SORCS3: variants seen among roughly 807,000 people sequenced by gnomAD.
SORCS3 encodes sortilin related VPS10 domain containing receptor 3, also known as VPS10 domain-containing receptor SorCS3.
A neutral mutation model predicts 146.3 loss-of-function variants in SORCS3; 57 were observed. The ratio of observed to expected loss-of-function variants is 0.39; its 90% CI spans 0.31 to 0.49. The LOEUF is 0.49. SORCS3 is among the 20% of genes least tolerant of loss of function. SORCS3 has a pLI of 0.92. For synonymous variants in SORCS3, 653 were observed against 618.5 expected, an observed-to-expected ratio of 1.06 and a Z score of -0.83; for missense variants, 1,341 against 1,575.5, an observed-to-expected ratio of 0.85 and a Z score of 2.52.
chr10:104,822,998 G>T (rs2017892394), intron 1 of SORCS3, among the ~76,000 whole-genome samples: 1 of 152,156 alleles, frequency 6.6e-6, no homozygotes, highest in Non-Finnish European at 1.5e-5. Context: ...CATGCATTCT[G>T]GGCAAGGTGA....
At chr10:105,238,435 T>A (rs2056805568) in intron 20 of SORCS3, among the ~76,000 whole-genome samples, 1 of 151,764 alleles carries the variant, frequency 6.6e-6, no homozygotes, top group Admixed American at 6.6e-5. Context: ...AGTGAGTGAG[T>A]CATATACAAA....
At chr10:105,031,332 AACACACACACACACACAC>A (rs371026666) in intron 4 of SORCS3, among the ~76,000 whole-genome samples, 1 of 113,466 alleles carries the variant, frequency 8.8e-6, no homozygotes. Flanking sequence ...CACACACACA[AACACACACACACACACAC>A]ACACACACAC....
At chr10:104,687,885 G>A (rs2016066841) in intron 1 of SORCS3, among the ~76,000 whole-genome samples, 1 of 152,162 alleles carries the variant, frequency 6.6e-6, no homozygotes, top group African/African-American at 2.4e-5. Context: ...GTTTTCATGA[G>A]GATTTGCTGA....
intron 1 of SORCS3, among the ~76,000 whole-genome samples, chr10:104,821,197 T>A (rs1436154399): frequency 6.6e-6 from 1 of 152,172 alleles, no homozygotes; most frequent in Non-Finnish European, 1.5e-5. Context: ...TCACAACATT[T>A]TGAAGGGAGG....
At position 104,962,506 on chromosome 10, in the gene SORCS3, C is replaced by G. The variant is rs1029553590; in HGVS notation, c.796-14829C>G. On this transcript the variant is annotated intron_variant, in intron 3 of 26. Transcript: ENST00000369701. The stretch of plus-strand genomic sequence containing the variant: ...CAGATTCTTACTCCATAGGGGAGGT[C>G]AGTAACACCACTCCCTGAATTGGGA... Among the ~76,000 whole-genome samples the G allele has an allele frequency of 1.2e-4, 19 of 152,214 alleles. No individual in the cohort carries two copies. The South Asian group carries it at 1.9e-3, about 15-fold the overall frequency.
chr10:105,055,655 G>C (rs1410929074), intron 5 of SORCS3, among the ~76,000 whole-genome samples: 1 of 152,082 alleles, frequency 6.6e-6, no homozygotes, highest in Non-Finnish European at 1.5e-5. Context: ...TTGTTAATTT[G>C]GTAGCAAATG....
chr10:104,760,081 G>C (rs61228995), intron 1 of SORCS3, among the ~76,000 whole-genome samples: 1,664 of 152,316 alleles, frequency 0.011, 31 homozygotes, highest in African/African-American at 0.038. Context: ...AATCCCAGGT[G>C]GGGGAAGAGC....
chr10:104,696,801 A>G (rs955695971), intron 1 of SORCS3, among the ~76,000 whole-genome samples: 1 of 138,146 alleles, frequency 7.2e-6, no homozygotes, highest in Non-Finnish European at 1.5e-5. Flanking sequence ...TTATTCAGCC[A>G]TAAAATGGAA....
chr10:104,768,535 A>AT (rs575441477), intron 1 of SORCS3, among the ~76,000 whole-genome samples: 238 of 152,178 alleles, frequency 1.6e-3, no homozygotes, highest in Non-Finnish European at 2.6e-3. Context: ...AAGCAAAAAG[A>AT]TTTTTTTCTG....
At chr10:105,055,030 A>C (rs1169912221) in intron 5 of SORCS3, among the ~76,000 whole-genome samples, 1 of 152,210 alleles carries the variant, frequency 6.6e-6, no homozygotes, top group African/African-American at 2.4e-5. Flanking sequence ...ATTTGAAAAT[A>C]ATGGAATTTT....
intron 4 of SORCS3, among the ~76,000 whole-genome samples, chr10:105,027,171 T>C (rs2055236966): frequency 1.3e-5 from 2 of 152,134 alleles, no homozygotes; most frequent in Admixed American, 1.3e-4. Context: ...CCTTCCATCC[T>C]AGGTGACTTC....
At chr10:105,254,498 T>G (rs1264193850) in intron 23 of SORCS3, among the ~76,000 whole-genome samples, 1 of 152,190 alleles carries the variant, frequency 6.6e-6, no homozygotes, top group Non-Finnish European at 1.5e-5. Flanking sequence ...TCTATAGTTG[T>G]CTCTCAGTAT....
chr10:105,218,046 C>G (rs906504045), intron 19 of SORCS3, among the ~76,000 whole-genome samples: 3 of 152,152 alleles, frequency 2.0e-5, no homozygotes, highest in Non-Finnish European at 2.9e-5. Context: ...ATTAACAACT[C>G]AGTGATGGCA....
chr10:105,164,233 C>G (rs375258566), intron 11 of SORCS3, 70 bp from the exon 12 acceptor site: 34 of 1,136,016 alleles, frequency 3.0e-5, no homozygotes, highest in South Asian at 2.6e-4. Flanking sequence ...TCTGCTCCCC[C>G]ATCCCTCAGC....
intron 14 of SORCS3, among the ~76,000 whole-genome samples, chr10:105,189,198 A>T (rs879240673): frequency 7.2e-5 from 11 of 152,282 alleles, no homozygotes; most frequent in Admixed American, 5.9e-4. Flanking sequence ...CTGGCTACCC[A>T]TGAAACCCAT....
At chr10:105,256,969 T>A in intron 25 of SORCS3, 45 bp downstream of exon 25, 1 of 1,332,594 alleles carries the variant, frequency 7.5e-7, no homozygotes, top group Non-Finnish European at 1.1e-6. Flanking sequence ...TTGGGGTCAT[T>A]GCAAATGATT....
chr10:105,143,590 C>T (rs117816952), intron 8 of SORCS3, among the ~76,000 whole-genome samples: 1 of 152,170 alleles, frequency 6.6e-6, no homozygotes, highest in Non-Finnish European at 1.5e-5. Context: ...TGTTGGATGT[C>T]TACCATGTGC....
chr10:104,886,515 G>A (rs141844387), intron 2 of SORCS3, among the ~76,000 whole-genome samples: 99 of 151,826 alleles, frequency 6.5e-4, no homozygotes, highest in East Asian at 7.7e-4. Flanking sequence ...AATACATTAC[G>A]TAAAATATAT....
intron 5 of SORCS3, among the ~76,000 whole-genome samples, chr10:105,049,613 G>A (rs1445703804): frequency 6.6e-6 from 1 of 152,068 alleles, no homozygotes; most frequent in African/African-American, 2.4e-5. Flanking sequence ...ATAAGAAGAA[G>A]TTTATCATAT....
Sources: gnomAD v4.1 joint callset for allele counts (sites outside exome capture counted in the v4.1 genomes callset) on GRCh38, gnomAD v4.1.1 for gene constraint, MANE v1.5 for transcripts, NCBI Gene and HGNC (gene_info 2026-07-23, HGNC 2026-07-21) for gene names.